The following SBF2 variants were observed in gnomAD, a reference collection of about 807,000 sequenced individuals.
SBF2 encodes myotubularin-related protein 13.
Under a neutral mutation model 225.2 loss-of-function variants are expected in SBF2, and 112 were observed. The observed-to-expected ratio is 0.50, with a 90% CI of 0.43 to 0.58. SBF2 has a LOEUF of 0.58. SBF2 is among the 20% of genes least tolerant of loss of function. SBF2 has a pLI of 0.00. For synonymous variants in SBF2, 763 were observed against 773.3 expected (o/e 0.99, Z 0.22); for missense variants, 1,996 against 2,206.2 (o/e 0.90, Z 1.91).
chr11:10,129,829 C>A (rs1394358164), intron 2 of SBF2, among the ~76,000 whole-genome samples: 1 of 151,852 alleles, frequency 6.6e-6, no homozygotes, highest in Non-Finnish European at 1.5e-5. Flanking sequence ...CATAGCGAGA[C>A]CCCCATCTCT....
chr11:10,200,097 T>C (rs1957519251), intron 1 of SBF2, among the ~76,000 whole-genome samples: 1 of 152,082 alleles, frequency 6.6e-6, no homozygotes, highest in African/African-American at 2.4e-5. Context: ...TTGTGACCTA[T>C]CATGGGAGGT....
chr11:10,250,232 G>T (rs527778713), intron 1 of SBF2, among the ~76,000 whole-genome samples: 1 of 152,292 alleles, frequency 6.6e-6, no homozygotes, highest in South Asian at 2.1e-4. Context: ...AAATTGTTTA[G>T]ATATACAATT....
intron 36 of SBF2, among the ~76,000 whole-genome samples, chr11:9,786,501 T>G (rs921031340): frequency 6.6e-6 from 1 of 152,196 alleles, no homozygotes; most frequent in Non-Finnish European, 1.5e-5. Flanking sequence ...GGGTAAGAGA[T>G]AGAGCCCCAG....
chr11:10,131,258 C>T (rs1954038152), intron 2 of SBF2, among the ~76,000 whole-genome samples: 1 of 150,736 alleles, frequency 6.6e-6, no homozygotes, highest in South Asian at 2.1e-4. Flanking sequence ...TAGGGTCTGG[C>T]TCTGTTGCCC....
chr11:10,056,998 T>C (rs915852853), intron 2 of SBF2, among the ~76,000 whole-genome samples: 4 of 152,130 alleles, frequency 2.6e-5, no homozygotes, highest in African/African-American at 9.7e-5. Context: ...CTCCAGCAAC[T>C]TCCTACAGGT....
rs148185716 is a variant in SBF2 at position 9,975,589 on chromosome 11, G to A, written c.1396-7044C>T. Reference sequence around the variant, plus strand: ...TGACTTCATGCATTTGTCAAAACTCGTAACTGTAGATTAAAAAGTATACAT... The same window carrying A: ...TGACTTCATGCATTTGTCAAAACTCATAACTGTAGATTAAAAAGTATACAT... On this transcript the variant is annotated intron_variant, in intron 13 of 39. Transcript: ENST00000256190. 4.6e-3 allele frequency among the ~76,000 whole-genome samples: 701 copies of A among 152,186 alleles called. 3 individuals are homozygous for A. Among genetic ancestry groups the A allele is most frequent in the African/African-American group, 0.016 (663 of 41,526 alleles).
chr11:9,852,880 T>C (rs1857056928), intron 20 of SBF2, 131 bp from the exon 21 acceptor site: 2 of 743,110 alleles, frequency 2.7e-6, no homozygotes. Flanking sequence ...GAATTACCAT[T>C]ATGACCCAGC....
chr11:9,778,931 CA>C lies in SBF2; in HGVS notation c.*1486del, dbSNP rs1851869340. The C allele has an allele frequency of 1.3e-5, 2 of 152,550 alleles. No individual in the cohort carries two copies. The highest frequency in any genetic ancestry group is 4.8e-5 in the African/African-American group (2 of 41,420). 9.4% of individuals were successfully genotyped at this position (152,550 alleles called of 1,614,324 possible). A position where few individuals can be genotyped will look rare whatever the true frequency, so the allele number is the denominator to read the frequency against. ...AAGGTACAATGGGCTCCATATTTTA[CA>C]AAGTACAAAAAATTATTTCATATAC... On this transcript the variant is annotated 3_prime_UTR_variant, in exon 40 of 40. Coordinates refer to ENST00000256190, the MANE Select transcript of SBF2 (RefSeq NM_030962.4).
chr11:9,932,957 CAAAAAAAAAAAAAAAAAAA>C (rs574177096), intron 16 of SBF2, among the ~76,000 whole-genome samples: 1 of 58,744 alleles, frequency 1.7e-5, no homozygotes, highest in Admixed American at 1.8e-4. Flanking sequence ...AAACGAAAAG[CAAAAAAAAAAAAAAAAAAA>C]AAAAAAAAAA....
chr11:9,789,164 G>C lies in SBF2; in HGVS notation c.4877C>G (p.Pro1626Arg), dbSNP rs975331904. The C allele has an allele frequency of 1.1e-5, 17 of 1,614,018 alleles. No individual in the cohort carries two copies. Among genetic ancestry groups the C allele is most frequent in the Non-Finnish European group, 1.2e-5 (14 of 1,180,044 alleles). Residue 1626 changes from proline (P) to arginine (R), a missense_variant, in exon 35 of 40, where the codon CCA (proline) becomes CGA (arginine). Coordinates refer to ENST00000256190, the MANE Select transcript of SBF2 (RefSeq NM_030962.4). Reference protein sequence around the residue: ...GPRSQRRTVWPCYDDVSCTQP... With the variant: ...GPRSQRRTVWRCYDDVSCTQP... ...AGTACAGCTGACATCATCATAGCATGGCCACACTGTTCTCCTCTGGCTCCG... is the reference window on the plus strand; with the variant it reads ...AGTACAGCTGACATCATCATAGCATCGCCACACTGTTCTCCTCTGGCTCCG...
chr11:10,264,202 A>G (rs1382636927), intron 1 of SBF2, among the ~76,000 whole-genome samples: 3 of 151,990 alleles, frequency 2.0e-5, no homozygotes, highest in African/African-American at 7.3e-5. Flanking sequence ...TCTTCCTCCC[A>G]CTCCTATCAG....
intron 16 of SBF2, among the ~76,000 whole-genome samples, chr11:9,909,688 G>A (rs1392937821): frequency 1.5e-5 from 2 of 135,324 alleles, no homozygotes; most frequent in Non-Finnish European, 1.6e-5. Context: ...AAAAAAAAAA[G>A]ATACCCTGAC....
intron 9 of SBF2, among the ~76,000 whole-genome samples, chr11:9,994,291 G>C (rs1291336937): frequency 6.6e-6 from 1 of 151,584 alleles, no homozygotes; most frequent in Non-Finnish European, 1.5e-5. Context: ...TGGCTAACAC[G>C]GTGAAACCCC....
chr11:9,795,410 C>A (rs1356590427), intron 33 of SBF2, among the ~76,000 whole-genome samples: 1 of 152,050 alleles, frequency 6.6e-6, no homozygotes, highest in Non-Finnish European at 1.5e-5. Flanking sequence ...AACCCCTCCC[C>A]AAAATACTCA....
chr11:9,882,584 G>T (rs562314390), intron 17 of SBF2, among the ~76,000 whole-genome samples: 102 of 152,062 alleles, frequency 6.7e-4, no homozygotes, highest in African/African-American at 2.4e-3. Flanking sequence ...CAAGGCGGGC[G>T]GATCACAAAG....
At chr11:9,959,717 C>A (rs1866432526) in intron 16 of SBF2, 3 of 695,940 alleles carry the variant, frequency 4.3e-6, no homozygotes, top group South Asian at 2.7e-5. Flanking sequence ...TGGACTTTCT[C>A]ACCCTGAGGT....
chr11:10,064,859 C>G (rs1042987101), intron 2 of SBF2, among the ~76,000 whole-genome samples: 2 of 152,140 alleles, frequency 1.3e-5, no homozygotes, highest in African/African-American at 4.8e-5. Context: ...CTCTCAATAA[C>G]AGATAGAACG....
chr11:9,887,851 T>C (rs1037608918), intron 17 of SBF2, among the ~76,000 whole-genome samples: 6 of 152,044 alleles, frequency 3.9e-5, no homozygotes, highest in African/African-American at 1.4e-4. Flanking sequence ...TTGAGACCTA[T>C]TGTAGGAAAT....
intron 6 of SBF2, among the ~76,000 whole-genome samples, chr11:10,011,322 G>T (rs1240574109): frequency 1.3e-5 from 2 of 152,128 alleles, no homozygotes; most frequent in Non-Finnish European, 2.9e-5. Flanking sequence ...TGCCTCCCAG[G>T]TTTAAATGAT....
Sources: allele counts gnomAD v4.1 joint callset (sites outside exome capture counted in the v4.1 genomes callset), GRCh38; gene constraint gnomAD v4.1.1; transcripts MANE v1.5; gene names NCBI Gene and HGNC (gene_info 2026-07-23, HGNC 2026-07-21).